Variants in RELN observed in about 807,000 individuals in gnomAD.
RELN encodes reelin.
RELN carries 108 observed loss-of-function variants against 427.6 expected under a neutral mutation model. The observed-to-expected ratio is 0.25, with a 90% confidence interval of 0.22 to 0.30. RELN has a LOEUF of 0.30. RELN is among the 10% of genes least tolerant of loss of function. The pLI, the probability that RELN is intolerant of heterozygous loss-of-function variation, is 1.00. For synonymous variants in RELN, 1,524 were observed against 1,513.4 expected (o/e 1.01, Z -0.16); for missense variants, 3,715 against 4,302.8 (o/e 0.86, Z 3.82).
chr7:103,722,498 A>G (rs895799488), intron 8 of RELN, among the ~76,000 whole-genome samples: 5 of 152,170 alleles, frequency 3.3e-5, no homozygotes, highest in Admixed American at 2.6e-4. Context: ...CTGTAAATTT[A>G]TACAAGTTAT....
intron 51 of RELN, among the ~76,000 whole-genome samples, chr7:103,504,698 A>T (rs1291011391): frequency 6.6e-6 from 1 of 152,154 alleles, no homozygotes; most frequent in Non-Finnish European, 1.5e-5. Context: ...TGCTGGGAGG[A>T]ACAGTGCAAT....
At chr7:103,853,296 G>A (rs1223592574) in intron 2 of RELN, among the ~76,000 whole-genome samples, 1 of 151,922 alleles carries the variant, frequency 6.6e-6, no homozygotes, top group East Asian at 1.9e-4. Flanking sequence ...AAAAATTTGG[G>A]TTATTTGTTA....
intron 1 of RELN, among the ~76,000 whole-genome samples, chr7:103,947,176 T>C (rs1390482796): frequency 1.3e-5 from 2 of 152,212 alleles, no homozygotes; most frequent in Non-Finnish European, 2.9e-5. Flanking sequence ...AAATCAACTG[T>C]GACTCATTAT....
chr7:103,891,387 A>G (rs1447251684), intron 2 of RELN, among the ~76,000 whole-genome samples: 1 of 152,152 alleles, frequency 6.6e-6, no homozygotes, highest in Non-Finnish European at 1.5e-5. Context: ...GGCCATGGTA[A>G]TTAATGTCTC....
Position 103,630,053 on chromosome 7 carries a change from A to G in RELN, c.2589T>C (p.Ser863=). ...VWAIDEIIMT[S]VLFNSISLDF... is the part of the protein sequence containing the mutation. ...CAAGACTAATGCTGTTGAAAAGCAC[A>G]GATGTCATGATAATCTCATCAATAG... Residue 863 remains serine (S), a synonymous_variant, in exon 20 of 65, where the codon TCT becomes TCC. Transcript: ENST00000428762. 6.2e-7 allele frequency: 1 copy of G among 1,613,344 alleles called. No individual in the cohort carries two copies.
intron 4 of RELN, among the ~76,000 whole-genome samples, chr7:103,774,621 T>C (rs1791693095): frequency 6.6e-6 from 1 of 152,192 alleles, no homozygotes; most frequent in African/African-American, 2.4e-5. Context: ...ACATAAAAAA[T>C]GATTACATGA....
At chr7:103,695,002 T>A (rs1833948045) in intron 10 of RELN, among the ~76,000 whole-genome samples, 1 of 151,990 alleles carries the variant, frequency 6.6e-6, no homozygotes, top group African/African-American at 2.4e-5. Flanking sequence ...GAACAAAAAA[T>A]ACAACTCCAA....
chr7:103,793,151 T>G (rs1314572656), intron 3 of RELN, among the ~76,000 whole-genome samples: 1 of 152,186 alleles, frequency 6.6e-6, no homozygotes, highest in Non-Finnish European at 1.5e-5. Context: ...AGAATAATTT[T>G]TCTTTTGCAA....
At chr7:103,644,106 GA>G (rs568497177) in intron 16 of RELN, among the ~76,000 whole-genome samples, 2 of 150,926 alleles carry the variant, frequency 1.3e-5, no homozygotes, top group Admixed American at 6.6e-5. Context: ...ATCCTCAAGA[GA>G]AAAAAAATTC....
At chr7:103,740,401 A>G (rs1178910868) in intron 6 of RELN, among the ~76,000 whole-genome samples, 1 of 152,188 alleles carries the variant, frequency 6.6e-6, no homozygotes. Context: ...AAGGAGGCTT[A>G]CTTTTACTGC....
At chr7:103,786,627 G>T (rs1350417470) in intron 3 of RELN, among the ~76,000 whole-genome samples, 1 of 151,672 alleles carries the variant, frequency 6.6e-6, no homozygotes, top group Non-Finnish European at 1.5e-5. Context: ...AATAGTAAAG[G>T]GATTAATGCA....
intron 45 of RELN, among the ~76,000 whole-genome samples, chr7:103,538,712 A>G (rs1584275005): frequency 6.6e-6 from 1 of 152,320 alleles, no homozygotes; most frequent in South Asian, 2.1e-4. Flanking sequence ...TATTCCTGGC[A>G]TTCTCTATGT....
rs151252449 is a variant in RELN, at chr7:103,594,390, G to A, written c.3642C>T (p.Val1214=). The change falls in exon 26 of 65, where the codon GTC becomes GTT. Residue 1214 remains valine (V), a synonymous_variant. Transcript: ENST00000428762. ...TCTCGGACAGAATGATGATGTCATC[G>A]ACTGCCCACTGGTCATAGTCCTCCC... The part of the protein sequence containing the change: ...FSGEDYDQWA[V]DDIIILSEKQ... 75 of 1,613,818 alleles carry A rather than the reference G, an allele frequency of 4.6e-5. No individual in the cohort carries two copies. Among genetic ancestry groups the A allele is most frequent in the South Asian group, 8.8e-5 (8 of 91,064 alleles).
chr7:103,665,263 C>A (rs771984694), intron 11 of RELN, among the ~76,000 whole-genome samples: 1 of 151,942 alleles, frequency 6.6e-6, no homozygotes. Flanking sequence ...CTACAATTAA[C>A]TTGCCTCTCT....
chr7:103,650,361 G>C lies in RELN; in HGVS notation c.1915C>G (p.Leu639Val), dbSNP rs150988816. 1.2e-6 allele frequency: 2 copies of C among 1,612,064 alleles called. No individual in the cohort carries two copies. The highest frequency in any genetic ancestry group is 8.5e-7 in the Non-Finnish European group (1 of 1,178,612). Residue 639 changes from leucine to valine, a missense_variant, in exon 16 of 65, where the codon CTT (leucine) becomes GTT (valine). Physicochemically the swap from Leu to Val is conservative, Grantham distance 32. Around this residue, in one of 4 missense-constraint regions of RELN, gnomAD observed 2,208 missense variants for 2,361.7 expected, o/e 0.93. Transcript: ENST00000428762. ...TTCCGGGTTAGTGCTGCGTTAGGAA[G>C]GGGAATTGTTATTCGGTTCCACCTG... ...YSGWNRITIPLPNAALTRNTR... is the reference protein window; with the variant it reads ...YSGWNRITIPVPNAALTRNTR...
intron 3 of RELN, among the ~76,000 whole-genome samples, chr7:103,815,820 C>G (rs904183595): frequency 3.9e-5 from 6 of 152,208 alleles, no homozygotes; most frequent in Non-Finnish European, 5.9e-5. Flanking sequence ...TGTCCATTCC[C>G]AGCATTGCTG....
At chr7:103,593,238 A>G (rs1831461679) in intron 27 of RELN, among the ~76,000 whole-genome samples, 1 of 152,234 alleles carries the variant, frequency 6.6e-6, no homozygotes, top group African/African-American at 2.4e-5. Flanking sequence ...GAGAACAATG[A>G]TGACTGGAGT....
At position 103,882,952 on chromosome 7, in the gene RELN, G is replaced by C. The variant is rs140421283; in HGVS notation, c.337+34123C>G. Reference sequence around the variant, plus strand: ...CTCACTTTATGAGGCCAGCATCATCGTGATACCAAAACCTGGCAGAGACAC... The same window carrying C: ...CTCACTTTATGAGGCCAGCATCATCCTGATACCAAAACCTGGCAGAGACAC... On this transcript the variant is annotated intron_variant, in intron 2 of 64. Transcript: ENST00000428762. 4.0e-3 allele frequency among the ~76,000 whole-genome samples: 602 copies of C among 152,154 alleles called. 22 individuals are homozygous for C. In the East Asian group the frequency reaches 0.072, roughly 18 times the overall value.
chr7:103,908,397 T>A (rs1182901610), intron 2 of RELN, among the ~76,000 whole-genome samples: 1 of 152,152 alleles, frequency 6.6e-6, no homozygotes, highest in East Asian at 1.9e-4. Context: ...CCTACAACTT[T>A]ATGAACTGGG....
Sources: gnomAD v4.1 joint callset for allele counts (sites outside exome capture counted in the v4.1 genomes callset) on GRCh38, gnomAD v4.1.1 for gene constraint, gnomAD v4.1.1 regional missense constraint, MANE v1.5 for transcripts, NCBI Gene and HGNC (gene_info 2026-07-23, HGNC 2026-07-21) for gene names.